The following TC2N variants were observed in gnomAD, a reference collection of about 807,000 sequenced individuals.
The protein encoded by TC2N is tandem C2 domains nuclear protein.
In TC2N, 51 loss-of-function variants were observed where a neutral mutation model predicts 61.9. The observed-to-expected ratio is 0.82, with a 90% CI of 0.66 to 1.04. The LOEUF (loss-of-function observed/expected upper bound fraction) is 1.04. Ranked by LOEUF, TC2N falls within the 50% of genes least tolerant of loss-of-function variation. TC2N has a pLI of 0.00. For missense variants in TC2N, 556 were observed against 566.7 expected (o/e 0.98, Z 0.19); for synonymous variants, 204 against 192.6 (o/e 1.06, Z -0.49).
chr14:91,783,803 A>G (rs541748975), intron 11 of TC2N, among the ~76,000 whole-genome samples: 51 of 152,268 alleles, frequency 3.3e-4, no homozygotes, highest in Admixed American at 3.0e-3. Flanking sequence ...TTATGAAGAC[A>G]AGGAATAAAA....
chr14:91,802,513 T>C, intron 3 of TC2N, 92 bp from the exon 4 acceptor site: 1 of 1,118,324 alleles, frequency 8.9e-7, no homozygotes, highest in Non-Finnish European at 1.3e-6. Flanking sequence ...AAAAAATATT[T>C]TGTCTCAAGT....
intron 1 of TC2N, among the ~76,000 whole-genome samples, chr14:91,818,874 C>CT (rs778671208): frequency 1.8e-4 from 27 of 152,090 alleles, no homozygotes; most frequent in Non-Finnish European, 3.2e-4. Context: ...TAAAAAGCAT[C>CT]TGTGACTCAT....
chr14:91,855,729 G>A (rs1888470045), intron 1 of TC2N, among the ~76,000 whole-genome samples: 1 of 152,218 alleles, frequency 6.6e-6, no homozygotes, highest in East Asian at 1.9e-4. Flanking sequence ...TTGAGTAAGA[G>A]GTAGAATCTC....
chr14:91,793,749 GCCTC>G (rs927058805), intron 8 of TC2N, among the ~76,000 whole-genome samples: 8 of 151,960 alleles, frequency 5.3e-5, no homozygotes, highest in African/African-American at 1.9e-4. Context: ...CTCTCCTCAG[GCCTC>G]CCTGTTTCCT....
At chr14:91,826,227 G>C (rs1340623258) in intron 1 of TC2N, among the ~76,000 whole-genome samples, 1 of 151,710 alleles carries the variant, frequency 6.6e-6, no homozygotes, top group Non-Finnish European at 1.5e-5. Context: ...AGCTGAGGTG[G>C]GAGGATCACT....
Position 91,780,665 on chromosome 14 carries a change from A to C in TC2N, c.*2435T>G, listed in dbSNP as rs1188930992. The stretch of plus-strand genomic sequence containing the variant: ...TGGTTTCCTTTGATCACATGACATC[A>C]TTATGATTTCCTTCTCCTTGCGTAA... On this transcript the variant is annotated 3_prime_UTR_variant, in exon 12 of 12. Transcript: ENST00000435962. The C allele has an allele frequency of 6.6e-6, 1 of 152,214 alleles. No individual in the cohort carries two copies. Among genetic ancestry groups the C allele is most frequent in the Non-Finnish European group, 1.5e-5 (1 of 68,030 alleles). The allele number at this position is 152,214 out of a possible 1,614,324, so 9.4% of individuals were successfully genotyped here.
At chr14:91,814,300 C>T (rs1566775198) in intron 1 of TC2N, among the ~76,000 whole-genome samples, 1 of 142,890 alleles carries the variant, frequency 7.0e-6, no homozygotes, top group Non-Finnish European at 1.5e-5. Context: ...AAACCTAAGA[C>T]AAGAGCACAT....
chr14:91,854,602 T>C (rs1160883641), intron 1 of TC2N, among the ~76,000 whole-genome samples: 2 of 152,144 alleles, frequency 1.3e-5, no homozygotes, highest in Non-Finnish European at 2.9e-5. Context: ...CAAAGCTTTT[T>C]AAAGAAGAAA....
intron 1 of TC2N, among the ~76,000 whole-genome samples, chr14:91,839,374 C>T (rs572778462): frequency 6.6e-6 from 1 of 152,330 alleles, no homozygotes; most frequent in South Asian, 2.1e-4. Flanking sequence ...AACACCCATT[C>T]CTGACTCAAT....
In TC2N at chr14:91,812,508, A is replaced by C; in HGVS notation, c.105T>G (p.Asn35Lys). Residue 35 changes from asparagine (N) to lysine (K), a missense_variant, in exon 3 of 12, where the codon AAT becomes AAG. Coordinates refer to ENST00000435962, the MANE Select transcript of TC2N (RefSeq NM_001128596.3). ...VERDFKAAVPNSQNATISVPP... is the reference protein window; with the variant it reads ...VERDFKAAVPKSQNATISVPP... Reference sequence around the variant, plus strand: ...GTACAGAGATAGTAGCATTTTGACTATTTGGGACTGCTGCTTTAAAATCTC... The same window carrying C: ...GTACAGAGATAGTAGCATTTTGACTCTTTGGGACTGCTGCTTTAAAATCTC... 1.3e-6 allele frequency: 2 copies of C among 1,598,554 alleles called. No homozygotes were observed. Among genetic ancestry groups the C allele is most frequent in the South Asian group, 2.2e-5 (2 of 88,952 alleles).
At chr14:91,864,281 T>TC (rs986912474) in intron 1 of TC2N, among the ~76,000 whole-genome samples, 10 of 152,204 alleles carry the variant, frequency 6.6e-5, no homozygotes, top group Non-Finnish European at 1.2e-4. Flanking sequence ...GCCTGGAATT[T>TC]CCCTTGCAGG....
chr14:91,851,897 A>G (rs989422499), intron 1 of TC2N, among the ~76,000 whole-genome samples: 1 of 152,222 alleles, frequency 6.6e-6, no homozygotes, highest in African/African-American at 2.4e-5. Context: ...CAAAATAACT[A>G]AAGTTATTTA....
chr14:91,800,399 T>C (rs1886170283), intron 4 of TC2N, 27 bp from the exon 5 acceptor site: 16 of 1,333,042 alleles, frequency 1.2e-5, no homozygotes, highest in Non-Finnish European at 1.4e-5. Context: ...GAAAAGTATA[T>C]ATTTTTAAGA....
intron 8 of TC2N, among the ~76,000 whole-genome samples, chr14:91,794,567 T>G (rs769498856): frequency 6.6e-6 from 1 of 151,810 alleles, no homozygotes. Flanking sequence ...CTGTGCTCTA[T>G]AAAGGGAACA....
intron 8 of TC2N, among the ~76,000 whole-genome samples, chr14:91,796,447 TA>T (rs1885900181): frequency 6.6e-6 from 1 of 151,996 alleles, no homozygotes; most frequent in Non-Finnish European, 1.5e-5. Flanking sequence ...TACACCCCCC[TA>T]AAAAAGATAT....
intron 6 of TC2N, 60 bp from the exon 7 acceptor site, chr14:91,798,459 G>T: frequency 1.1e-6 from 1 of 892,220 alleles, no homozygotes; most frequent in Non-Finnish European, 1.8e-6. Context: ...ACCCAATTAA[G>T]CTTTGACACA....
At chr14:91,787,709 G>A in intron 9 of TC2N, 82 bp from the exon 10 acceptor site, 2 of 779,118 alleles carry the variant, frequency 2.6e-6, no homozygotes, top group Non-Finnish European at 4.1e-6. Flanking sequence ...AAAAGCTAAG[G>A]TTAGAAATTT....
chr14:91,789,897 G>A (rs368664476), intron 9 of TC2N, among the ~76,000 whole-genome samples: 6 of 152,176 alleles, frequency 3.9e-5, no homozygotes, highest in African/African-American at 1.2e-4. Flanking sequence ...TCCTGGAAGG[G>A]TTGAAATGAA....
chr14:91,842,023 A>G (rs1444614619), intron 1 of TC2N, among the ~76,000 whole-genome samples: 2 of 138,436 alleles, frequency 1.4e-5, no homozygotes, highest in Admixed American at 7.9e-5. Context: ...CAGTGGTGCG[A>G]TCATGGCTCA....
Sources: allele counts gnomAD v4.1 joint callset (sites outside exome capture counted in the v4.1 genomes callset), GRCh38; gene constraint gnomAD v4.1.1; transcripts MANE v1.5; gene names NCBI Gene and HGNC (gene_info 2026-07-23, HGNC 2026-07-21).